The following LLGL2 variants were observed in gnomAD, a reference collection of about 807,000 sequenced individuals.
LLGL2 encodes the protein LLGL2, scribble cell polarity complex component.
In LLGL2, 81 loss-of-function variants were observed where a neutral mutation model predicts 123.2. That is an observed-to-expected ratio of 0.66 (90% CI 0.55 to 0.79). The LOEUF is 0.79. Among genes scored for constraint, LLGL2 ranks in the 30% least tolerant of loss-of-function variants. The probability of loss-of-function intolerance (pLI) is 0.00; values close to 1 mark genes in which losing one functional copy is unlikely to be tolerated. For missense variants in LLGL2, 1,273 were observed against 1,414.6 expected (o/e 0.90, Z 1.61); for synonymous variants, 577 against 594.1 (o/e 0.97, Z 0.42).
chr17:75,530,078 C>A (rs117175545), intron 1 of LLGL2, among the ~76,000 whole-genome samples: 3,321 of 152,236 alleles, frequency 0.022, 68 homozygotes, highest in Non-Finnish European at 0.03. Flanking sequence ...GACTCAACTT[C>A]CATGAAGCAT....
chr17:75,549,306 G>T lies in LLGL2; in HGVS notation c.75+5805G>T, dbSNP rs965181162. On this transcript the variant is annotated intron_variant, in intron 2 of 25. Transcript: ENST00000392550. The surrounding 1 kb of genome is among the most constrained non-coding windows in gnomAD (Gnocchi z 4.0). Reference sequence around the variant, plus strand: ...TGCTGGAGAAGTCAAGGTAAAACCCGTTCCTAGACAACTGCTCACAGCCAG... The same window carrying T: ...TGCTGGAGAAGTCAAGGTAAAACCCTTTCCTAGACAACTGCTCACAGCCAG... Among the ~76,000 whole-genome samples, 2 of 152,108 alleles carry T rather than the reference G, an allele frequency of 1.3e-5. No individual in the cohort carries two copies. Among genetic ancestry groups the T allele is most frequent in the African/African-American group, 2.4e-5 (1 of 41,390 alleles).
chr17:75,562,997 C>T lies in LLGL2; in HGVS notation c.531-19C>T, dbSNP rs773377866. 1.2e-5 allele frequency: 20 copies of T among 1,609,026 alleles called. No individual in the cohort carries two copies. Among genetic ancestry groups the T allele is most frequent in the Admixed American group, 8.3e-5 (5 of 59,964 alleles). ...CCTGGTGGACGGCATCGGAGGCTCA[C>T]GGCACTCCCCTCGCCCAGGTTGCCA... On this transcript the variant is annotated intron_variant, in intron 6 of 25. Coordinates refer to ENST00000392550, the MANE Select transcript of LLGL2 (RefSeq NM_001031803.2).
intron 6 of LLGL2, among the ~76,000 whole-genome samples, chr17:75,560,479 T>C (rs1257911834): frequency 1.3e-5 from 2 of 151,820 alleles, no homozygotes; most frequent in Non-Finnish European, 2.9e-5. Context: ...TTATATTATA[T>C]TATATTATAT....
In LLGL2 at chr17:75,543,433, C is replaced by T. The variant is rs201392252; in HGVS notation, c.7C>T (p.Arg3Trp). 13 of 1,607,020 alleles carry T rather than the reference C, an allele frequency of 8.1e-6. No homozygotes were observed. The highest frequency in any genetic ancestry group is 2.3e-5 in the East Asian group (1 of 44,420). MR[R>W]FLRPGHDPVR... ...GGGCTGCAGACTAAGCAAAATGAGG[C>T]GGTTCCTGAGGCCAGGGCATGACCC... Residue 3 changes from arginine (R) to tryptophan (W), a missense_variant, in exon 2 of 26, where the codon CGG becomes TGG. Physicochemically the swap from Arg to Trp is moderately radical, Grantham distance 101. Coordinates refer to ENST00000392550, the MANE Select transcript of LLGL2 (RefSeq NM_001031803.2).
chr17:75,567,580 A>C (rs1376196533), intron 10 of LLGL2, among the ~76,000 whole-genome samples: 3 of 152,034 alleles, frequency 2.0e-5, no homozygotes, highest in Non-Finnish European at 4.4e-5. Context: ...CGGAGGTTGC[A>C]GTGAGCTGAG....
chr17:75,545,109 C>A (rs930813015), intron 2 of LLGL2, among the ~76,000 whole-genome samples: 2 of 151,976 alleles, frequency 1.3e-5, no homozygotes, highest in Non-Finnish European at 1.5e-5. Flanking sequence ...GGCTGAACAC[C>A]CCCCTACCCC....
chr17:75,559,557 C>A lies in LLGL2; in HGVS notation c.530+147C>A. 1.0e-6 allele frequency: 1 copy of A among 971,484 alleles called. No individual in the cohort carries two copies. Among genetic ancestry groups the A allele is most frequent in the African/African-American group, 1.6e-5 (1 of 60,912 alleles). The allele number at this position is 971,484 out of a possible 1,614,324, so 60.2% of individuals were successfully genotyped here. A position where few individuals can be genotyped will look rare whatever the true frequency, so the allele number is the denominator to read the frequency against. On this transcript the variant is annotated intron_variant, in intron 6 of 25. Coordinates refer to ENST00000392550, the MANE Select transcript of LLGL2 (RefSeq NM_001031803.2). This position sits in a 1 kb window ranked among gnomAD's most constrained non-coding sequence, Gnocchi z 4.6. The stretch of plus-strand genomic sequence containing the variant: ...GCAGGGGAGGCTCTTGGCTTCCTAC[C>A]TGTCACCTACTGAGAACCTATTGGC...
In LLGL2 at chr17:75,562,912, A is replaced by G. The variant is rs367677773; in HGVS notation, c.531-104A>G. The G allele has an allele frequency of 1.6e-4, 221 of 1,388,046 alleles. 1 individual carries two copies. In the East Asian group the frequency reaches 4.6e-3, roughly 29 times the overall value. The allele number at this position is 1,388,046 out of a possible 1,614,324, so 86.0% of individuals were successfully genotyped here. On this transcript the variant is annotated intron_variant, in intron 6 of 25. Coordinates refer to ENST00000392550, the MANE Select transcript of LLGL2 (RefSeq NM_001031803.2). The stretch of plus-strand genomic sequence containing the variant: ...CCTAGCCATATTTCTATGCTGGCAC[A>G]TGGAGCAGCCACCTCTGCATAGGGA...
rs775189675 is a variant in LLGL2, at chr17:75,543,495, T to C, written c.69T>C (p.Phe23=). 3 of 1,610,978 alleles carry C rather than the reference T, an allele frequency of 1.9e-6. No individual in the cohort carries two copies. Among genetic ancestry groups the C allele is most frequent in the Non-Finnish European group, 1.7e-6 (2 of 1,178,270 alleles). ...GGCTCAAGCGGGACCTGTTCCAGTTTAACAAGGTAAGTTAGGGAGAGCAGG... is the reference window on the plus strand; with the variant it reads ...GGCTCAAGCGGGACCTGTTCCAGTTCAACAAGGTAAGTTAGGGAGAGCAGG... ...RERLKRDLFQ[F]NKTVEHGFPH... is the part of the protein sequence containing the mutation. Residue 23 remains phenylalanine, a synonymous_variant, in exon 2 of 26, where the codon TTT becomes TTC. Transcript: ENST00000392550.
intron 14 of LLGL2, 136 bp downstream of exon 14, chr17:75,569,461 C>A (rs1321871688): frequency 1.9e-5 from 14 of 740,584 alleles, no homozygotes; most frequent in Non-Finnish European, 3.1e-5. Context: ...TGGCTTGATC[C>A]CCTTGGCGGG....
intron 1 of LLGL2, among the ~76,000 whole-genome samples, chr17:75,540,461 G>A (rs529252957): frequency 6.6e-6 from 1 of 152,326 alleles, no homozygotes; most frequent in South Asian, 2.1e-4. Context: ...CCAGCCCCGT[G>A]TGGGAAGAGC....
In LLGL2 at chr17:75,573,698, G is replaced by T. The variant is rs1457060011; in HGVS notation, c.2876+67G>T. 8 of 1,323,614 alleles carry T rather than the reference G, an allele frequency of 6.0e-6. No homozygotes were observed. The East Asian group carries it at 1.7e-4, about 27-fold the overall frequency. The allele number at this position is 1,323,614 out of a possible 1,614,324, so 82.0% of individuals were successfully genotyped here. ...CTCCCTGCCCTCTCTGAGATACCGA[G>T]GCTCCCACTGCTGCCTGGCTGGAGG... On this transcript the variant is annotated intron_variant, in intron 21 of 25. Transcript: ENST00000392550.
intron 1 of LLGL2, among the ~76,000 whole-genome samples, chr17:75,526,996 C>G (rs1368419063): frequency 6.6e-6 from 1 of 151,524 alleles, no homozygotes; most frequent in African/African-American, 2.4e-5. Context: ...AGTGAGACCT[C>G]GTCTCTGCAA....
chr17:75,529,690 A>T (rs1225798533), intron 1 of LLGL2, among the ~76,000 whole-genome samples: 1 of 151,682 alleles, frequency 6.6e-6, no homozygotes, highest in African/African-American at 2.4e-5. Flanking sequence ...GTGAAACCCC[A>T]TCTCTACTAA....
At position 75,541,633 on chromosome 17, in the gene LLGL2, C is replaced by G. The variant is rs566667433; in HGVS notation, c.-30-1764C>G. Among the ~76,000 whole-genome samples the G allele has an allele frequency of 1.1e-4, 17 of 150,102 alleles. No individual in the cohort carries two copies. The East Asian group carries it at 2.2e-3, about 20-fold the overall frequency. Reference sequence around the variant, plus strand: ...TTTCAGTTTCCCCAGAAGGTGACAGCGCTCTGGGGGCTGGTTCCTGGTATT... The same window carrying G: ...TTTCAGTTTCCCCAGAAGGTGACAGGGCTCTGGGGGCTGGTTCCTGGTATT... On this transcript the variant is annotated intron_variant, in intron 1 of 25. Coordinates refer to ENST00000392550, the MANE Select transcript of LLGL2 (RefSeq NM_001031803.2).
chr17:75,554,888 C>A (rs867134440), intron 2 of LLGL2, among the ~76,000 whole-genome samples: 34 of 131,986 alleles, frequency 2.6e-4, no homozygotes, highest in South Asian at 4.9e-4. Context: ...GACTCCGTCT[C>A]AAAAAAAAAA....
At chr17:75,529,258 G>A (rs778269487) in intron 1 of LLGL2, among the ~76,000 whole-genome samples, 7 of 151,336 alleles carry the variant, frequency 4.6e-5, no homozygotes, top group African/African-American at 7.3e-5. Flanking sequence ...GCACAGTGGC[G>A]TGATCTCAGC....
At chr17:75,566,584 C>T (rs1190481595) in intron 10 of LLGL2, among the ~76,000 whole-genome samples, 1 of 152,246 alleles carries the variant, frequency 6.6e-6, no homozygotes, top group East Asian at 1.9e-4. Flanking sequence ...ATGGACAACA[C>T]AAGGGGCGTA....
chr17:75,561,742 G>A (rs1438784630), intron 6 of LLGL2, among the ~76,000 whole-genome samples: 4 of 152,070 alleles, frequency 2.6e-5, no homozygotes, highest in East Asian at 1.9e-4. Flanking sequence ...GCAACATGGC[G>A]AAACCCCGTC....
Sources: gnomAD v4.1 joint callset for allele counts (sites outside exome capture counted in the v4.1 genomes callset) on GRCh38, gnomAD v4.1.1 for gene constraint, Gnocchi (gnomAD v3.1) non-coding constraint, MANE v1.5 for transcripts, NCBI Gene and HGNC (gene_info 2026-07-23, HGNC 2026-07-21) for gene names.